The following PRDM16 variants were observed in gnomAD, a reference collection of about 807,000 sequenced individuals.
PRDM16 encodes PR/SET domain 16.
A neutral mutation model predicts 110.6 loss-of-function variants in PRDM16; 23 were observed. That is an observed-to-expected ratio of 0.21 (90% CI 0.15 to 0.29). The LOEUF (loss-of-function observed/expected upper bound fraction) is 0.29, where lower values mean the gene tolerates loss of function less well. Ranked by LOEUF, PRDM16 falls within the 10% of genes least tolerant of loss-of-function variation. The pLI, the probability that PRDM16 is intolerant of heterozygous loss-of-function variation, is 1.00. For synonymous variants in PRDM16, 799 were observed against 781.8 expected (o/e 1.02, Z -0.37); for missense variants, 1,615 against 1,794.3 (o/e 0.90, Z 1.81).
At chr1:3,334,939 G>T (rs142270479) in intron 3 of PRDM16, among the ~76,000 whole-genome samples, 1 of 152,198 alleles carries the variant, frequency 6.6e-6, no homozygotes, top group African/African-American at 2.4e-5. Context: ...GGCCATCCAC[G>T]CGTCCAACCC....
rs112841831 is a variant in PRDM16, at chr1:3,208,195, G to T, written c.387+21721G>T. 6.6e-6 allele frequency: 1 copy of T among 152,158 alleles called. No individual in the cohort carries two copies. The highest frequency in any genetic ancestry group is 1.9e-4 in the East Asian group (1 of 5,174). 9.4% of individuals were successfully genotyped at this position (152,158 alleles called of 1,614,324 possible). On this transcript the variant is annotated intron_variant, in intron 2 of 16. Coordinates refer to ENST00000270722, the MANE Select transcript of PRDM16 (RefSeq NM_022114.4). This position sits in a 1 kb window ranked among gnomAD's most constrained non-coding sequence, Gnocchi z 6.1. ...AGAGTGGCCACGCTTGAAGCCTCAC[G>T]GGGCTCCAGATGGAGCCTCCCTGAC...
At chr1:3,295,160 T>C (rs894318111) in intron 3 of PRDM16, among the ~76,000 whole-genome samples, 1 of 152,130 alleles carries the variant, frequency 6.6e-6, no homozygotes, top group Non-Finnish European at 1.5e-5. Flanking sequence ...ACTGCTGAGG[T>C]GAGATGCATG....
intron 1 of PRDM16, among the ~76,000 whole-genome samples, chr1:3,096,494 A>G (rs1642403443): frequency 6.6e-6 from 1 of 152,062 alleles, no homozygotes; most frequent in Non-Finnish European, 1.5e-5. Context: ...TTTCGAATCC[A>G]CACCTTGTGG....
At chr1:3,091,581 G>T (rs1474382294) in intron 1 of PRDM16, among the ~76,000 whole-genome samples, 2 of 152,354 alleles carry the variant, frequency 1.3e-5, no homozygotes, top group African/African-American at 4.8e-5. Flanking sequence ...GAGTCTGAGG[G>T]AGGCTGGGGT....
At position 3,358,490 on chromosome 1, in the gene PRDM16, C is replaced by T. The variant is rs1036314686; in HGVS notation, c.439-26662C>T. Among the ~76,000 whole-genome samples, 2 of 152,188 alleles carry T rather than the reference C, an allele frequency of 1.3e-5. No individual in the cohort carries two copies. Among genetic ancestry groups the T allele is most frequent in the Non-Finnish European group, 2.9e-5 (2 of 68,038 alleles). ...CCGCTGCGCCCCAGACTCCCAGCCG[C>T]GGCTTCGGATGCAGCTGGAATAAGG... On this transcript the variant is annotated intron_variant, in intron 3 of 16. Coordinates refer to ENST00000270722, the MANE Select transcript of PRDM16 (RefSeq NM_022114.4). This position sits in a 1 kb window ranked among gnomAD's most constrained non-coding sequence, Gnocchi z 4.0.
At chr1:3,328,935 C>T (rs940842729) in intron 3 of PRDM16, among the ~76,000 whole-genome samples, 34 of 152,268 alleles carry the variant, frequency 2.2e-4, no homozygotes, top group Admixed American at 1.5e-3. Flanking sequence ...AGGGGCCTGC[C>T]GGGGGAGGGC....
chr1:3,402,673 C>T (rs1012347590), intron 5 of PRDM16, 118 bp from the exon 6 acceptor site: 2 of 842,340 alleles, frequency 2.4e-6, no homozygotes, highest in South Asian at 1.6e-5. Context: ...GCAGGACTGG[C>T]CAGCCTGGGT....
At chr1:3,082,465 G>C (rs906832186) in intron 1 of PRDM16, among the ~76,000 whole-genome samples, 1 of 152,222 alleles carries the variant, frequency 6.6e-6, no homozygotes, top group African/African-American at 2.4e-5. Context: ...GCAGGGTCTG[G>C]GGACCATTCC....
chr1:3,334,273 A>G (rs1416397260), intron 3 of PRDM16, among the ~76,000 whole-genome samples: 1 of 152,218 alleles, frequency 6.6e-6, no homozygotes, highest in Non-Finnish European at 1.5e-5. Context: ...AGCCTGGCCC[A>G]GCCCAGCCAG....
At position 3,112,579 on chromosome 1, in the gene PRDM16, C is replaced by T. The variant is rs145894313; in HGVS notation, c.37+43283C>T. Among the ~76,000 whole-genome samples, 252 of 152,348 alleles carry T rather than the reference C, an allele frequency of 1.7e-3. 1 individual carries two copies. Among genetic ancestry groups the T allele is most frequent in the African/African-American group, 6.0e-3 (249 of 41,580 alleles). On this transcript the variant is annotated intron_variant, in intron 1 of 16. Transcript: ENST00000270722. ...TTGATGTTTGCTGCCCTGACTCCAG[C>T]AGCCTGCAGCTCCAACCCACGCTGC...
chr1:3,200,663 C>T (rs1638601031), intron 2 of PRDM16, among the ~76,000 whole-genome samples: 1 of 152,196 alleles, frequency 6.6e-6, no homozygotes, highest in Non-Finnish European at 1.5e-5. Flanking sequence ...TTAAAACAGC[C>T]TGGGAGTCCT....
At chr1:3,114,221 ACACACG>A (rs202166993) in intron 1 of PRDM16, among the ~76,000 whole-genome samples, 7,918 of 138,472 alleles carry the variant, frequency 0.057, 275 homozygotes, top group East Asian at 0.079. Context: ...GCACACGAAC[ACACACG>A]CACACACGCA....
chr1:3,230,776 T>A (rs1639390132), intron 2 of PRDM16, among the ~76,000 whole-genome samples: 1 of 152,126 alleles, frequency 6.6e-6, no homozygotes, highest in South Asian at 2.1e-4. Context: ...GCACCTTCCT[T>A]CCCCACACCT....
intron 16 of PRDM16, among the ~76,000 whole-genome samples, chr1:3,433,333 C>T (rs931704511): frequency 1.3e-5 from 2 of 152,264 alleles, no homozygotes; most frequent in East Asian, 1.9e-4. Context: ...CCTCTTGTTC[C>T]TTCTGCCCCC....
chr1:3,254,447 G>A (rs1640003937), intron 3 of PRDM16, among the ~76,000 whole-genome samples: 1 of 152,134 alleles, frequency 6.6e-6, no homozygotes, highest in Admixed American at 6.5e-5. Context: ...AAGCTGATAA[G>A]CAACTTCAGC....
chr1:3,395,830 G>A (rs1199737890), intron 4 of PRDM16, among the ~76,000 whole-genome samples: 3 of 152,148 alleles, frequency 2.0e-5, no homozygotes, highest in African/African-American at 7.2e-5. Flanking sequence ...AGGTCCCCTC[G>A]CCCCCAGGGC....
At chr1:3,279,442 C>T (rs1432731847) in intron 3 of PRDM16, among the ~76,000 whole-genome samples, 2 of 152,242 alleles carry the variant, frequency 1.3e-5, no homozygotes, top group African/African-American at 2.4e-5. Flanking sequence ...CCACACTGGC[C>T]GCAGAGCTGC....
chr1:3,074,411 CTGTG>C (rs770186651), intron 1 of PRDM16, among the ~76,000 whole-genome samples: 7 of 151,028 alleles, frequency 4.6e-5, no homozygotes, highest in African/African-American at 7.3e-5. Flanking sequence ...AGGGTTTTTT[CTGTG>C]TGTGTGTGTG....
At chr1:3,086,783 A>AT (rs1028461115) in intron 1 of PRDM16, among the ~76,000 whole-genome samples, 4 of 152,022 alleles carry the variant, frequency 2.6e-5, no homozygotes, top group East Asian at 3.9e-4. Context: ...TCATTTCTTT[A>AT]TTTTTTTTGT....
Sources: gnomAD v4.1 joint callset for allele counts (sites outside exome capture counted in the v4.1 genomes callset) on GRCh38, gnomAD v4.1.1 for gene constraint, Gnocchi (gnomAD v3.1) non-coding constraint, MANE v1.5 for transcripts, NCBI Gene and HGNC (gene_info 2026-07-23, HGNC 2026-07-21) for gene names.